The following KCNK13 variants were observed in gnomAD, a reference collection of about 807,000 sequenced individuals.
KCNK13 encodes potassium two pore domain channel subfamily K member 13.
KCNK13 carries 12 observed loss-of-function variants against 23.4 expected under a neutral mutation model. The ratio of observed to expected loss-of-function variants is 0.51; its 90% CI spans 0.33 to 0.83. The LOEUF (loss-of-function observed/expected upper bound fraction) is 0.83. KCNK13 is among the 40% of genes least tolerant of loss of function. The pLI, the probability that KCNK13 is intolerant of heterozygous loss-of-function variation, is 0.02. For synonymous variants in KCNK13, 231 were observed against 229.5 expected (o/e 1.01, Z -0.06); for missense variants, 463 against 556.3 (o/e 0.83, Z 1.69).
Position 90,094,709 on chromosome 14 carries a change from G to A in KCNK13, c.334+32170G>A, listed in dbSNP as rs192607188. On this transcript the variant is annotated intron_variant, in intron 1 of 1. Transcript: ENST00000282146. ...GTCGCCCAGGCTGGAGTGCAGTGGC[G>A]CGATCTCGGCTCACTGCAAGCTCCG... 2.7e-3 allele frequency among the ~76,000 whole-genome samples: 382 copies of A among 142,098 alleles called. 1 individual carries two copies. Among genetic ancestry groups the A allele is most frequent in the African/African-American group, 9.3e-3 (347 of 37,276 alleles). The allele number at this position is 142,098 out of a possible 152,430, so 93.2% of individuals were successfully genotyped here.
intron 1 of KCNK13, among the ~76,000 whole-genome samples, chr14:90,082,104 C>G (rs894730725): frequency 5.3e-5 from 8 of 152,160 alleles, no homozygotes; most frequent in South Asian, 2.1e-4. Flanking sequence ...CTTTGTTGCC[C>G]GAGCTGGAGT....
chr14:90,110,841 T>G (rs1889607855), intron 1 of KCNK13, among the ~76,000 whole-genome samples: 1 of 152,000 alleles, frequency 6.6e-6, no homozygotes, highest in Admixed American at 6.6e-5. Context: ...AAACCCCGTC[T>G]CTACTAAAAA....
intron 1 of KCNK13, among the ~76,000 whole-genome samples, chr14:90,141,016 C>T (rs1490903394): frequency 2.6e-5 from 4 of 152,314 alleles, no homozygotes; most frequent in South Asian, 2.1e-4. Context: ...GAAGGAAGGG[C>T]GTCACTCCGC....
At position 90,105,562 on chromosome 14, in the gene KCNK13, C is replaced by T. The variant is rs550744034; in HGVS notation, c.334+43023C>T. Among the ~76,000 whole-genome samples, 7 of 152,164 alleles carry T rather than the reference C, an allele frequency of 4.6e-5. No individual in the cohort carries two copies. In the East Asian group the frequency reaches 9.7e-4, roughly 21 times the overall value. On this transcript the variant is annotated intron_variant, in intron 1 of 1. Transcript: ENST00000282146. Reference sequence around the variant, plus strand: ...CAACCCTGTGGCCCTGGATTGTGGTCGTTGAGGGTACTAGGGTACTCATGG... The same window carrying T: ...CAACCCTGTGGCCCTGGATTGTGGTTGTTGAGGGTACTAGGGTACTCATGG...
At chr14:90,103,384 A>G (rs1186946240) in intron 1 of KCNK13, among the ~76,000 whole-genome samples, 2 of 152,214 alleles carry the variant, frequency 1.3e-5, no homozygotes, top group African/African-American at 4.8e-5. Context: ...AAAATTACTT[A>G]CATTCCCACC....
At chr14:90,166,596 C>T (rs953933230) in intron 1 of KCNK13, among the ~76,000 whole-genome samples, 1 of 151,716 alleles carries the variant, frequency 6.6e-6, no homozygotes, top group South Asian at 2.1e-4. Context: ...ATCCCAGCTA[C>T]TTGGGAGGCT....
At chr14:90,074,866 G>A (rs1036556521) in intron 1 of KCNK13, among the ~76,000 whole-genome samples, 12 of 152,036 alleles carry the variant, frequency 7.9e-5, no homozygotes, top group Non-Finnish European at 1.8e-4. Context: ...TAATCGTATT[G>A]CCTTTATTTA....
chr14:90,087,975 TCTTG>T (rs1285831668), intron 1 of KCNK13, among the ~76,000 whole-genome samples: 1 of 152,190 alleles, frequency 6.6e-6, no homozygotes, highest in Non-Finnish European at 1.5e-5. Flanking sequence ...CAATGCTACT[TCTTG>T]CTTAAGTTTA....
rs147966288 is a variant in KCNK13 at position 90,123,393 on chromosome 14, T to C, written c.335-60718T>C. ...GGTCTTCCCTCCGTGTGTGTCTGGG[T>C]CCTGATCTCCTTTTCTTATAAGGAC... On this transcript the variant is annotated intron_variant, in intron 1 of 1. Transcript: ENST00000282146. Among the ~76,000 whole-genome samples the C allele has an allele frequency of 2.1e-3, 326 of 152,270 alleles. 4 individuals are homozygous for C. Among genetic ancestry groups the C allele is most frequent in the African/African-American group, 7.2e-3 (298 of 41,550 alleles).
At position 90,062,479 on chromosome 14, in the gene KCNK13, C is replaced by A; in HGVS notation, c.274C>A (p.Arg92Ser). 1 of 1,544,252 alleles carries A rather than the reference C, an allele frequency of 6.5e-7. No individual in the cohort carries two copies. The highest frequency in any genetic ancestry group is 8.7e-7 in the Non-Finnish European group (1 of 1,145,450). The change falls in exon 1 of 2, where the codon CGC (arginine) becomes AGC (serine). Residue 92 changes from arginine (R) to serine (S), a missense_variant. Arg to Ser is a moderately radical substitution (Grantham distance 110). Transcript: ENST00000282146. The surrounding 1 kb of genome is among the most constrained non-coding windows in gnomAD (Gnocchi z 4.5). ...TRAGIRVDNV[R>S]PRWDFTGAFY... ...GGCCGGCATCCGCGTGGACAACGTC[C>A]GCCCGCGCTGGGACTTCACCGGCGC...
intron 1 of KCNK13, among the ~76,000 whole-genome samples, chr14:90,118,609 G>T (rs1274916299): frequency 6.6e-6 from 1 of 152,032 alleles, no homozygotes; most frequent in East Asian, 1.9e-4. Context: ...CAATATTTTT[G>T]AATATTTAAG....
At chr14:90,068,807 A>C (rs1889038667) in intron 1 of KCNK13, among the ~76,000 whole-genome samples, 1 of 152,130 alleles carries the variant, frequency 6.6e-6, no homozygotes, top group Non-Finnish European at 1.5e-5. Context: ...ACTGGTGGCC[A>C]GGCAGGTGTG....
intron 1 of KCNK13, among the ~76,000 whole-genome samples, chr14:90,098,459 C>T (rs1287381998): frequency 6.6e-6 from 1 of 152,180 alleles, no homozygotes; most frequent in Non-Finnish European, 1.5e-5. Flanking sequence ...AAAACCCCAT[C>T]TACGGCTGGG....
intron 1 of KCNK13, among the ~76,000 whole-genome samples, chr14:90,151,077 C>G (rs562176236): frequency 9.9e-5 from 15 of 152,158 alleles, no homozygotes; most frequent in Non-Finnish European, 1.9e-4. Flanking sequence ...TTGTAAGTTT[C>G]CTGAGGCCTC....
chr14:90,076,975 A>G (rs1399910056), intron 1 of KCNK13, among the ~76,000 whole-genome samples: 1 of 151,860 alleles, frequency 6.6e-6, no homozygotes, highest in Non-Finnish European at 1.5e-5. Context: ...ATCCGCCACC[A>G]CACCTGGCTA....
Position 90,171,887 on chromosome 14 carries a change from C to T in KCNK13, c.335-12224C>T, listed in dbSNP as rs543127532. On this transcript the variant is annotated intron_variant, in intron 1 of 1. Coordinates refer to ENST00000282146, the MANE Select transcript of KCNK13 (RefSeq NM_022054.4). ...ATTTGGGGGCCCCAAGATTTATTTT[C>T]CTTTCACATGATGAACACAAACATG... is the stretch of plus-strand genomic sequence containing the variant. Among the ~76,000 whole-genome samples, 4 of 152,282 alleles carry T rather than the reference C, an allele frequency of 2.6e-5. No homozygotes were observed. The South Asian group carries it at 8.3e-4, about 32-fold the overall frequency.
At chr14:90,066,906 GC>G (rs2140386475) in intron 1 of KCNK13, among the ~76,000 whole-genome samples, 1 of 152,252 alleles carries the variant, frequency 6.6e-6, no homozygotes, top group Admixed American at 6.5e-5. Context: ...CAACCCAAGT[GC>G]CCATCAACGG....
chr14:90,161,700 T>A (rs1329706912), intron 1 of KCNK13, among the ~76,000 whole-genome samples: 6 of 152,188 alleles, frequency 3.9e-5, no homozygotes, highest in Non-Finnish European at 8.8e-5. Context: ...TCTCCACAAA[T>A]GAATCTCTAA....
chr14:90,159,593 A>T (rs558989071), intron 1 of KCNK13, among the ~76,000 whole-genome samples: 1 of 152,336 alleles, frequency 6.6e-6, no homozygotes, highest in South Asian at 2.1e-4. Flanking sequence ...CTCAGCAAAC[A>T]CGGGGGCTTG....
Sources: gnomAD v4.1 joint callset for allele counts (sites outside exome capture counted in the v4.1 genomes callset) on GRCh38, gnomAD v4.1.1 for gene constraint, Gnocchi (gnomAD v3.1) non-coding constraint, MANE v1.5 for transcripts, NCBI Gene and HGNC (gene_info 2026-07-23, HGNC 2026-07-21) for gene names.